TCERG1: variants seen among roughly 807,000 people sequenced by gnomAD.
The protein encoded by TCERG1 is TATA box binding protein (TBP)-associated factor, RNA polymerase II, S, 150kD.
A neutral mutation model predicts 144.7 loss-of-function variants in TCERG1; 37 were observed. The observed-to-expected ratio is 0.26, with a 90% CI of 0.20 to 0.34. The LOEUF is 0.34. Among genes scored for constraint, TCERG1 ranks in the 10% least tolerant of loss-of-function variants. TCERG1 has a pLI of 1.00. For synonymous variants in TCERG1, 492 were observed against 458.2 expected (o/e 1.07, Z -0.94); for missense variants, 1,027 against 1,380.7 (o/e 0.74, Z 4.06).
At chr5:146,471,830 C>T (rs1764339120) in intron 9 of TCERG1, among the ~76,000 whole-genome samples, 1 of 152,112 alleles carries the variant, frequency 6.6e-6, no homozygotes. Context: ...ATCTCTTGAC[C>T]TCGTGATCCG....
At chr5:146,506,186 A>C (rs1767977275) in intron 19 of TCERG1, among the ~76,000 whole-genome samples, 1 of 152,156 alleles carries the variant, frequency 6.6e-6, no homozygotes, top group Non-Finnish European at 1.5e-5. Context: ...ATGCTTGGTA[A>C]GTGTTGGTTA....
intron 9 of TCERG1, among the ~76,000 whole-genome samples, chr5:146,472,701 T>TTGTGTGTGTGTGTGTG (rs59508893): frequency 0.011 from 1,635 of 146,004 alleles, 23 homozygotes; most frequent in African/African-American, 0.022. Context: ...ACCTCTCACT[T>TTGTGTGTGTGTGTGTG]TGTGTGTGTG....
At chr5:146,478,344 A>G in intron 9 of TCERG1, 149 bp from the exon 10 acceptor site, 2 of 745,558 alleles carry the variant, frequency 2.7e-6, no homozygotes, top group Non-Finnish European at 3.8e-6. Context: ...TGTAAAAACC[A>G]TGTTTGGTTC....
intron 1 of TCERG1, among the ~76,000 whole-genome samples, chr5:146,453,266 G>A (rs564122409): frequency 2.7e-4 from 41 of 152,228 alleles, no homozygotes; most frequent in Non-Finnish European, 3.5e-4. Context: ...GATCTGCCAA[G>A]TGACCCCCCT....
intron 4 of TCERG1, among the ~76,000 whole-genome samples, chr5:146,461,286 AGT>A (rs1415140802): frequency 6.6e-6 from 1 of 152,086 alleles, no homozygotes; most frequent in Non-Finnish European, 1.5e-5. Flanking sequence ...TACGTATTCC[AGT>A]GTGTGTTTTT....
Position 146,503,506 on chromosome 5 carries a change from C to T in TCERG1, c.2565C>T (p.Asp855=), listed in dbSNP as rs770564430. Residue 855 remains aspartate, a synonymous_variant, in exon 18 of 23, where the codon GAC becomes GAT. Coordinates refer to ENST00000679501, the MANE Select transcript of TCERG1 (RefSeq NM_001382548.1). ...TAGATAGTTCATCAATGAGAGAAGA[C>T]CTTTTCAAACAGTACATTGAAAAAA... is the stretch of plus-strand genomic sequence containing the variant. The part of the protein sequence containing the change: ...KAVDSSSMRE[D]LFKQYIEKIA... 10 of 1,613,554 alleles carry T rather than the reference C, an allele frequency of 6.2e-6. No individual in the cohort carries two copies. The Admixed American group carries it at 1.3e-4, about 22-fold the overall frequency.
At chr5:146,464,588 A>G in intron 5 of TCERG1, among the ~76,000 whole-genome samples, 1 of 152,208 alleles carries the variant, frequency 6.6e-6, no homozygotes, top group East Asian at 1.9e-4. Context: ...AGTGTTGGGC[A>G]TTCCAAATTT....
chr5:146,496,456 A>G (rs771895659), intron 16 of TCERG1, among the ~76,000 whole-genome samples: 5 of 152,114 alleles, frequency 3.3e-5, no homozygotes, highest in African/African-American at 9.7e-5. Flanking sequence ...TTTGGATTAG[A>G]TAATTGTTAG....
intron 12 of TCERG1, 50 bp downstream of exon 12, chr5:146,480,144 C>A: frequency 1.4e-6 from 2 of 1,401,300 alleles, no homozygotes; most frequent in South Asian, 2.7e-5. Flanking sequence ...TTTTAAAAGT[C>A]GATTTGGTAA....
chr5:146,504,052 G>A, intron 19 of TCERG1, 46 bp downstream of exon 19: 1 of 1,386,960 alleles, frequency 7.2e-7, no homozygotes, highest in Non-Finnish European at 9.5e-7. Context: ...ACTGGATATT[G>A]GAAATTTATT....
intron 1 of TCERG1, among the ~76,000 whole-genome samples, chr5:146,452,581 CT>C (rs748361508): frequency 1.9e-4 from 29 of 152,066 alleles, no homozygotes; most frequent in Non-Finnish European, 3.7e-4. Context: ...TGAATCCTCT[CT>C]TTATTTTCTT....
rs138380053 is a variant in TCERG1, at chr5:146,456,596, G to A, written c.286-587G>A. The stretch of plus-strand genomic sequence containing the variant: ...CTGAATCCAGCAAAGATTGGAGTAT[G>A]GGAAAGACATTTTTAGGAAAATAAA... On this transcript the variant is annotated intron_variant, in intron 2 of 22. Coordinates refer to ENST00000679501, the MANE Select transcript of TCERG1 (RefSeq NM_001382548.1). 3.1e-3 allele frequency among the ~76,000 whole-genome samples: 475 copies of A among 152,284 alleles called. 2 individuals carry two copies. The highest frequency in any genetic ancestry group is 5.6e-3 in the Admixed American group (85 of 15,294).
chr5:146,462,841 T>C (rs1280083891), intron 4 of TCERG1, among the ~76,000 whole-genome samples: 1 of 152,214 alleles, frequency 6.6e-6, no homozygotes, highest in Non-Finnish European at 1.5e-5. Context: ...TGAAATCACA[T>C]AAATAATGTG....
intron 15 of TCERG1, among the ~76,000 whole-genome samples, chr5:146,488,886 C>T (rs1408585338): frequency 1.3e-5 from 2 of 152,112 alleles, no homozygotes; most frequent in African/African-American, 4.8e-5. Context: ...AGAATGAAAT[C>T]CTGTCATTTG....
intron 5 of TCERG1, among the ~76,000 whole-genome samples, chr5:146,464,155 A>AT (rs1763576514): frequency 1.3e-5 from 2 of 152,238 alleles, no homozygotes; most frequent in South Asian, 4.1e-4. Context: ...AAGTTGGATG[A>AT]TTTATATACA....
chr5:146,506,916 A>G, intron 19 of TCERG1, 112 bp from the exon 20 acceptor site: 1 of 814,834 alleles, frequency 1.2e-6, no homozygotes, highest in South Asian at 3.1e-5. Flanking sequence ...ATAGACACTT[A>G]GGTTGATTCC....
intron 2 of TCERG1, 90 bp downstream of exon 2, chr5:146,455,371 G>A (rs763231592): frequency 2.7e-5 from 38 of 1,414,098 alleles, no homozygotes; most frequent in Admixed American, 9.2e-5. Flanking sequence ...TTCTTAAATA[G>A]TTTCAGTTTA....
chr5:146,456,160 A>G (rs1399238056), intron 2 of TCERG1, among the ~76,000 whole-genome samples: 1 of 152,198 alleles, frequency 6.6e-6, no homozygotes, highest in East Asian at 1.9e-4. Context: ...GACAGGTTTT[A>G]ATACTTTGCT....
intron 4 of TCERG1, among the ~76,000 whole-genome samples, chr5:146,460,863 G>A (rs1228093254): frequency 6.6e-6 from 1 of 152,148 alleles, no homozygotes; most frequent in Non-Finnish European, 1.5e-5. Flanking sequence ...TCTGTTAAGG[G>A]TTGTTACCTT....
Sources: gnomAD v4.1 joint callset for allele counts (sites outside exome capture counted in the v4.1 genomes callset) on GRCh38, gnomAD v4.1.1 for gene constraint, MANE v1.5 for transcripts, NCBI Gene and HGNC (gene_info 2026-07-23, HGNC 2026-07-21) for gene names.